DNMT3A: variants seen among roughly 807,000 people sequenced by gnomAD.
DNMT3A encodes the protein DNA methyltransferase 3 alpha, also known as DNA (cytosine-5)-methyltransferase 3A.
In DNMT3A, 267 loss-of-function variants were observed where a neutral mutation model predicts 117.6. The ratio of observed to expected loss-of-function variants is 2.27; its 90% confidence interval spans 2.05 to 2.51. The LOEUF is 2.51. DNMT3A is among the 30% of genes most tolerant of loss of function. The probability of loss-of-function intolerance (pLI) is 0.00; values close to 1 mark genes in which losing one functional copy is unlikely to be tolerated. For missense variants in DNMT3A, 1,029 were observed against 1,260.2 expected (o/e 0.82, Z 2.78); for synonymous variants, 432 against 474.8 (o/e 0.91, Z 1.17).
At chr2:25,312,270 T>G (rs1481806346) in intron 2 of DNMT3A, among the ~76,000 whole-genome samples, 1 of 152,206 alleles carries the variant, frequency 6.6e-6, no homozygotes, top group African/African-American at 2.4e-5. Context: ...TGGGTCTTCA[T>G]GCTGCTTGAG....
chr2:25,318,718 G>C (rs1418157520), intron 1 of DNMT3A, among the ~76,000 whole-genome samples: 2 of 125,922 alleles, frequency 1.6e-5, no homozygotes, highest in East Asian at 4.5e-4. Context: ...TTTTTTTTGA[G>C]ATGGAGTCTC....
Position 25,275,224 on chromosome 2 carries a change from T to A in DNMT3A, c.493-137A>T, listed in dbSNP as rs886152993. The A allele has an allele frequency of 3.1e-6, 4 of 1,294,224 alleles. No individual in the cohort carries two copies. In the African/African-American group the frequency reaches 6.0e-5, roughly 20 times the overall value. The allele number at this position is 1,294,224 out of a possible 1,614,324, so 80.2% of individuals were successfully genotyped here. A position where few individuals can be genotyped will look rare whatever the true frequency, so the allele number is the denominator to read the frequency against. ...CCCTGGGAGTGCTGGGCAGGCCCCG[T>A]GTGGGCTGGAGGAGCGAGGGGCATG... On this transcript the variant is annotated intron_variant, in intron 5 of 22. Coordinates refer to ENST00000321117, the MANE Select transcript of DNMT3A (RefSeq NM_022552.5).
chr2:25,329,786 G>A (rs1335090998), intron 1 of DNMT3A, among the ~76,000 whole-genome samples: 1 of 151,858 alleles, frequency 6.6e-6, no homozygotes, highest in African/African-American at 2.4e-5. Context: ...TGACCCAGGC[G>A]CACAGGTTCA....
chr2:25,247,929 G>A lies in DNMT3A; in HGVS notation c.855+108C>T. On this transcript the variant is annotated intron_variant, in intron 7 of 22. Transcript: ENST00000321117. The surrounding 1 kb of genome is among the most constrained non-coding windows in gnomAD (Gnocchi z 5.6). ...ACGAAGAGGCCCGGGGTCAGGTGGA[G>A]AGAGCGAGCGGCCCGTGGGAGATGG... 1 of 1,541,304 alleles carries A rather than the reference G, an allele frequency of 6.5e-7. No individual in the cohort carries two copies. Among genetic ancestry groups the A allele is most frequent in the Non-Finnish European group, 8.8e-7 (1 of 1,140,424 alleles).
rs1303060010 is a variant in DNMT3A, at chr2:25,244,312, AG to A, written c.1693del (p.Leu565SerfsTer86). ...CRCFCVECVDLLVGPGAAQAA... is the reference protein window; with the variant it reads ...CRCFCVECVDXLVGPGAAQAA... ...CTGGGCAGCCCCCGGCCCCACCAAGAGGTCCACACACTCCACGCAAAAGCAC... is the reference window on the plus strand; with the variant it reads ...CTGGGCAGCCCCCGGCCCCACCAAGAGTCCACACACTCCACGCAAAAGCAC... On this transcript the variant is annotated frameshift_variant, in exon 15 of 23. Transcript: ENST00000321117. LOFTEE classifies it high-confidence loss of function. The A allele has an allele frequency of 6.2e-7, 1 of 1,610,456 alleles. No individual in the cohort carries two copies. The highest frequency in any genetic ancestry group is 8.5e-7 in the Non-Finnish European group (1 of 1,178,518).
In DNMT3A at chr2:25,247,027, C is replaced by A; in HGVS notation, c.1122+24G>T. 6.2e-7 allele frequency: 1 copy of A among 1,607,966 alleles called. No homozygotes were observed. Among genetic ancestry groups the A allele is most frequent in the South Asian group, 1.1e-5 (1 of 90,074 alleles). The stretch of plus-strand genomic sequence containing the variant: ...CTCCTAGTGCTCTAGGCTCCTCCTC[C>A]GAGCTCCCAGCAGGGACACTCACCT... On this transcript the variant is annotated intron_variant, in intron 9 of 22. Coordinates refer to ENST00000321117, the MANE Select transcript of DNMT3A (RefSeq NM_022552.5). The surrounding 1 kb of genome is among the most constrained non-coding windows in gnomAD (Gnocchi z 5.6).
chr2:25,263,121 A>G (rs1432179286), intron 6 of DNMT3A, among the ~76,000 whole-genome samples: 2 of 151,960 alleles, frequency 1.3e-5, no homozygotes, highest in South Asian at 2.1e-4. Context: ...TTTTTTGTAG[A>G]GAGTGGGTCT....
intron 4 of DNMT3A, among the ~76,000 whole-genome samples, chr2:25,278,222 T>G (rs2031617166): frequency 6.6e-6 from 1 of 152,178 alleles, no homozygotes; most frequent in African/African-American, 2.4e-5. Context: ...GGCCCGAACA[T>G]GACCCTAGTG....
At chr2:25,295,509 C>T (rs1187274200) in intron 3 of DNMT3A, among the ~76,000 whole-genome samples, 1 of 152,252 alleles carries the variant, frequency 6.6e-6, no homozygotes, top group Non-Finnish European at 1.5e-5. Context: ...GTATTTGTGT[C>T]AATAACTCTC....
Position 25,231,758 on chromosome 2 carries a change from A to AGAT in DNMT3A, c.*2518_*2520dup, listed in dbSNP as rs1672894031. On this transcript the variant is annotated 3_prime_UTR_variant, in exon 23 of 23. Coordinates refer to ENST00000321117, the MANE Select transcript of DNMT3A (RefSeq NM_022552.5). Reference sequence around the variant, plus strand: ...CTTTTGACATCACCAGGGGCAAAAGAGATAGAACACTACCTGCTAGAGGAG... The same window carrying AGAT: ...CTTTTGACATCACCAGGGGCAAAAGAGATGATAGAACACTACCTGCTAGAGGAG... 1 of 152,222 alleles carries AGAT rather than the reference A, an allele frequency of 6.6e-6. No individual in the cohort carries two copies. The highest frequency in any genetic ancestry group is 2.4e-5 in the African/African-American group (1 of 41,440). 9.4% of individuals were successfully genotyped at this position (152,222 alleles called of 1,614,324 possible).
At chr2:25,253,328 G>A (rs546787200) in intron 6 of DNMT3A, among the ~76,000 whole-genome samples, 1 of 152,280 alleles carries the variant, frequency 6.6e-6, no homozygotes, top group South Asian at 2.1e-4. Context: ...ACTAGACTTG[G>A]AGAAATATGA....
intron 19 of DNMT3A, 82 bp from the exon 20 acceptor site, chr2:25,239,297 A>G (rs1673719109): frequency 1.7e-6 from 2 of 1,193,246 alleles, no homozygotes; most frequent in Non-Finnish European, 1.2e-6. Context: ...CGAGCCTTAA[A>G]GCCTCAAAGC....
Position 25,234,299 on chromosome 2 carries a change from CCTT to C in DNMT3A, c.2716_2718del (p.Lys906del), listed in dbSNP as rs769590067. On this transcript the variant is annotated inframe_deletion, in exon 23 of 23. Coordinates refer to ENST00000321117, the MANE Select transcript of DNMT3A (RefSeq NM_022552.5). The surrounding 1 kb of genome is among the most constrained non-coding windows in gnomAD (Gnocchi z 4.5). Reference sequence around the variant, plus strand: ...GTCCCTTACACACACGCAAAATACTCCTTCAGCGGAGCGAAGAGGTGGCGGATG... The same window carrying C: ...GTCCCTTACACACACGCAAAATACTCCAGCGGAGCGAAGAGGTGGCGGATG... 1.2e-6 allele frequency: 2 copies of C among 1,613,868 alleles called. No individual in the cohort carries two copies. Among genetic ancestry groups the C allele is most frequent in the African/African-American group, 1.3e-5 (1 of 75,052 alleles).
Position 25,294,630 on chromosome 2 carries a change from A to C in DNMT3A, c.177+5509T>G, listed in dbSNP as rs954213408. ...GCTGAGCTCTGTCTTAACTTGGAGA[A>C]GAATCAAAGGTCCTATCAGGCTGGA... is the stretch of plus-strand genomic sequence containing the variant. On this transcript the variant is annotated intron_variant, in intron 3 of 22. Coordinates refer to ENST00000321117, the MANE Select transcript of DNMT3A (RefSeq NM_022552.5). This position sits in a 1 kb window ranked among gnomAD's most constrained non-coding sequence, Gnocchi z 4.7. 5.3e-5 allele frequency among the ~76,000 whole-genome samples: 8 copies of C among 152,224 alleles called. No individual in the cohort carries two copies. Among genetic ancestry groups the C allele is most frequent in the Non-Finnish European group, 1.0e-4 (7 of 68,032 alleles).
In DNMT3A at chr2:25,304,265, C is replaced by T. The variant is rs996178067; in HGVS notation, c.73-4022G>A. On this transcript the variant is annotated intron_variant, in intron 2 of 22. Coordinates refer to ENST00000321117, the MANE Select transcript of DNMT3A (RefSeq NM_022552.5). This position sits in a 1 kb window ranked among gnomAD's most constrained non-coding sequence, Gnocchi z 4.3. ...TTAGGAGTAACCTCAAGCTCTTTAACCTCCCTGAGTCTTGCTTTCCTCATC... is the reference window on the plus strand; with the variant it reads ...TTAGGAGTAACCTCAAGCTCTTTAATCTCCCTGAGTCTTGCTTTCCTCATC... 7.2e-5 allele frequency among the ~76,000 whole-genome samples: 11 copies of T among 152,164 alleles called. No individual in the cohort carries two copies. Among genetic ancestry groups the T allele is most frequent in the African/African-American group, 2.7e-4 (11 of 41,414 alleles).
Position 25,318,698 on chromosome 2 carries a change from C to CTT in DNMT3A, c.-177-4539_-177-4538dup, listed in dbSNP as rs375722790. On this transcript the variant is annotated intron_variant, in intron 1 of 22. Transcript: ENST00000321117. Reference sequence around the variant, plus strand: ...ATAAAGACATTTTCTTTTTTCTTTTCTTTTTTTTTTTTTTTTTGAGATGGA... The same window carrying CTT: ...ATAAAGACATTTTCTTTTTTCTTTTCTTTTTTTTTTTTTTTTTTTGAGATGGA... 4.8e-4 allele frequency among the ~76,000 whole-genome samples: 64 copies of CTT among 132,236 alleles called. 1 individual carries two copies. Among genetic ancestry groups the CTT allele is most frequent in the African/African-American group, 8.7e-4 (31 of 35,752 alleles). The allele number at this position is 132,236 out of a possible 152,430, so 86.8% of individuals were successfully genotyped here.
intron 3 of DNMT3A, among the ~76,000 whole-genome samples, chr2:25,291,363 G>C (rs778212472): frequency 2.0e-5 from 3 of 152,230 alleles, no homozygotes; most frequent in Middle Eastern, 3.2e-3. Context: ...CCTCACCAGA[G>C]ATCTGATAGC....
chr2:25,300,559 T>C (rs1438946887), intron 2 of DNMT3A, among the ~76,000 whole-genome samples: 3 of 145,352 alleles, frequency 2.1e-5, no homozygotes, highest in African/African-American at 5.1e-5. Context: ...CTGGGCAACA[T>C]AGTGAGACTC....
chr2:25,230,989 CAA>C lies in DNMT3A; in HGVS notation c.*3288_*3289del, dbSNP rs1204217138. ...TGCCCTTGGCTACCAAGTCTCTTCC[CAA>C]GTCCCAACACCAACCCTTTGGTTGG... On this transcript the variant is annotated 3_prime_UTR_variant, in exon 23 of 23. Transcript: ENST00000321117. The C allele has an allele frequency of 1.3e-5, 2 of 152,344 alleles. No homozygotes were observed. Among genetic ancestry groups the C allele is most frequent in the Non-Finnish European group, 2.9e-5 (2 of 68,156 alleles). 9.4% of individuals were successfully genotyped at this position (152,344 alleles called of 1,614,324 possible).
Sources: allele counts gnomAD v4.1 joint callset (sites outside exome capture counted in the v4.1 genomes callset), GRCh38; gene constraint gnomAD v4.1.1; non-coding constraint Gnocchi (gnomAD v3.1); transcripts MANE v1.5; gene names NCBI Gene and HGNC (gene_info 2026-07-23, HGNC 2026-07-21).